JAKMIP3: variants seen among roughly 807,000 people sequenced by gnomAD.
The protein encoded by JAKMIP3 is janus kinase and microtubule-interacting protein 3.
JAKMIP3 carries 58 observed loss-of-function variants against 118.5 expected under a neutral mutation model. The observed-to-expected ratio is 0.49, with a 90% CI of 0.40 to 0.61. JAKMIP3 has a LOEUF of 0.61. JAKMIP3 is among the 20% of genes least tolerant of loss of function. The pLI, the probability that JAKMIP3 is intolerant of heterozygous loss-of-function variation, is 0.00. For missense variants in JAKMIP3, 950 were observed against 1,109.0 expected (o/e 0.86, Z 2.04); for synonymous variants, 486 against 451.2 (o/e 1.08, Z -0.98).
Position 132,135,389 on chromosome 10 carries a change from G to C in JAKMIP3, c.969+229G>C, listed in dbSNP as rs542330787. 3.3e-5 allele frequency among the ~76,000 whole-genome samples: 5 copies of C among 152,310 alleles called. No homozygotes were observed. The South Asian group carries it at 1.0e-3, about 32-fold the overall frequency. On this transcript the variant is annotated intron_variant, in intron 5 of 23. Transcript: ENST00000684848. Reference sequence around the variant, plus strand: ...TGACTAACCCCTGCTCTGCGTTAGTGGGGGCAGAAGCCGCCTCTGTTCTGC... The same window carrying C: ...TGACTAACCCCTGCTCTGCGTTAGTCGGGGCAGAAGCCGCCTCTGTTCTGC...
intron 2 of JAKMIP3, among the ~76,000 whole-genome samples, chr10:132,111,401 G>A (rs1473550849): frequency 1.3e-5 from 2 of 152,152 alleles, no homozygotes; most frequent in East Asian, 3.9e-4. Flanking sequence ...CTCCAGGTGG[G>A]GCTAGAGCCC....
chr10:132,177,746 A>G (rs1177833711), intron 23 of JAKMIP3, among the ~76,000 whole-genome samples: 5 of 115,734 alleles, frequency 4.3e-5, no homozygotes, highest in Non-Finnish European at 6.8e-5. Context: ...TGCACACTGC[A>G]TTTGGTGGTG....
intron 3 of JAKMIP3, among the ~76,000 whole-genome samples, chr10:132,119,615 G>A (rs75221861): frequency 2.0e-3 from 299 of 152,250 alleles, no homozygotes; most frequent in African/African-American, 6.8e-3. Context: ...TTATAAAAAG[G>A]CTTCATTTCT....
At chr10:132,038,790 C>G (rs1299196361) in intron 1 of JAKMIP3, among the ~76,000 whole-genome samples, 1 of 124,758 alleles carries the variant, frequency 8.0e-6, no homozygotes, top group Admixed American at 8.0e-5. Flanking sequence ...GAGACTGTCT[C>G]AAAAAAAAAA....
At chr10:132,172,070 G>A (rs1471058829) in intron 23 of JAKMIP3, among the ~76,000 whole-genome samples, 12 of 152,098 alleles carry the variant, frequency 7.9e-5, no homozygotes, top group African/African-American at 1.4e-4. Context: ...AGGACCCCAC[G>A]TTGCATTCAC....
chr10:132,107,656 A>G (rs1387102546), intron 2 of JAKMIP3, among the ~76,000 whole-genome samples: 2 of 152,236 alleles, frequency 1.3e-5, no homozygotes, highest in African/African-American at 4.8e-5. Context: ...CTGGATGCAC[A>G]GGCAGCAACT....
At chr10:132,038,123 T>G (rs1010244659) in intron 1 of JAKMIP3, among the ~76,000 whole-genome samples, 2 of 152,268 alleles carry the variant, frequency 1.3e-5, no homozygotes, top group African/African-American at 4.8e-5. Context: ...GCTTCCTGTT[T>G]TAGGACATTA....
intron 1 of JAKMIP3, among the ~76,000 whole-genome samples, chr10:132,100,870 C>T (rs951634355): frequency 6.6e-6 from 1 of 152,154 alleles, no homozygotes; most frequent in African/African-American, 2.4e-5. Context: ...TGAGGAACCC[C>T]AGCTGTGCTC....
chr10:132,172,059 C>T (rs751552701), intron 23 of JAKMIP3, among the ~76,000 whole-genome samples: 4 of 152,168 alleles, frequency 2.6e-5, no homozygotes, highest in Non-Finnish European at 5.9e-5. Context: ...CTTTCTGTTC[C>T]AGGACCCCAC....
At chr10:132,078,674 T>C (rs11146148) in intron 1 of JAKMIP3, among the ~76,000 whole-genome samples, 66,247 of 150,168 alleles carry the variant, frequency 0.44, 15,478 homozygotes, top group East Asian at 0.72. Context: ...ATCATGTAGC[T>C]ACTCCTGAGG....
In JAKMIP3 at chr10:132,168,092, G is replaced by A; in HGVS notation, c.*162G>A. 2.3e-6 allele frequency: 3 copies of A among 1,289,476 alleles called. No homozygotes were observed. The South Asian group carries it at 3.7e-5, about 16-fold the overall frequency. 79.9% of individuals were successfully genotyped at this position (1,289,476 alleles called of 1,614,324 possible). ...CGTGGAGGAAGAGTGAGAAGGGGCA[G>A]TGTGTGGGGCGTGGAGCTGCCGTCC... On this transcript the variant is annotated 3_prime_UTR_variant, in exon 23 of 24. Transcript: ENST00000684848.
chr10:132,139,477 A>T (rs955537266), intron 9 of JAKMIP3, among the ~76,000 whole-genome samples: 1 of 138,058 alleles, frequency 7.2e-6, no homozygotes, highest in African/African-American at 2.7e-5. Context: ...TGTATGTGTG[A>T]GTGTGTGTGA....
At chr10:132,149,539 C>CCCCCACCTCACCCATCCCCCG in intron 15 of JAKMIP3, 29 bp downstream of exon 15, 3 of 106,050 alleles carry the variant, frequency 2.8e-5, no homozygotes, top group Non-Finnish European at 4.2e-5. Flanking sequence ...GCCCACTCCG[C>CCCCCACCTCACCCATCCCCCG]CCCCACCTCA....
intron 1 of JAKMIP3, among the ~76,000 whole-genome samples, chr10:132,053,581 C>T (rs1426589801): frequency 6.6e-6 from 1 of 152,182 alleles, no homozygotes; most frequent in Non-Finnish European, 1.5e-5. Flanking sequence ...ACTTTTGTTA[C>T]CTTAAGTGGG....
intron 14 of JAKMIP3, 92 bp from the exon 15 acceptor site, chr10:132,149,320 G>A: frequency 1.2e-6 from 1 of 812,046 alleles, no homozygotes; most frequent in Non-Finnish European, 2.0e-6. Context: ...TGGTTCCATG[G>A]TCTTGGCCCG....
In JAKMIP3 at chr10:132,141,905, T is replaced by C; in HGVS notation, c.1474-15T>C. 1 of 1,588,312 alleles carries C rather than the reference T, an allele frequency of 6.3e-7. No homozygotes were observed. Among genetic ancestry groups the C allele is most frequent in the Non-Finnish European group, 8.6e-7 (1 of 1,168,164 alleles). ...ACTGTGTCTCTGTGCGTGTGTGGCA[T>C]CCGTGTCTCTCCAGGGCATGGCCAA... On this transcript the variant is annotated splice_polypyrimidine_tract_variant and intron_variant, in intron 10 of 23. Transcript: ENST00000684848.
At chr10:132,134,892 CG>C (rs2051418778) in intron 4 of JAKMIP3, 148 bp from the exon 5 acceptor site, 13 of 994,038 alleles carry the variant, frequency 1.3e-5, no homozygotes, top group East Asian at 2.7e-5. Context: ...TGCCTTTCCC[CG>C]GGGGGCTCCG....
At chr10:132,145,314 A>C (rs900855871) in intron 12 of JAKMIP3, 124 bp downstream of exon 12, 17 of 945,770 alleles carry the variant, frequency 1.8e-5, no homozygotes, top group Non-Finnish European at 2.6e-5. Context: ...CCTGGGCTCA[A>C]GCCATCCTCC....
intron 1 of JAKMIP3, among the ~76,000 whole-genome samples, chr10:132,097,903 T>TTCCCCGGTCCTTCCTTCCTTTTCTTTTC (rs1554928094): frequency 1.4e-5 from 1 of 72,874 alleles, no homozygotes; most frequent in Non-Finnish European, 3.0e-5. Context: ...CCCCTTCCCC[T>TTCCCCGGTCCTTCCTTCCTTTTCTTTTC]TCCCCTTCCC....
Sources: gnomAD v4.1 joint callset for allele counts (sites outside exome capture counted in the v4.1 genomes callset) on GRCh38, gnomAD v4.1.1 for gene constraint, MANE v1.5 for transcripts, NCBI Gene and HGNC (gene_info 2026-07-23, HGNC 2026-07-21) for gene names.